The following DRD2 variants were observed in gnomAD, a reference collection of about 807,000 sequenced individuals.
DRD2 encodes dopamine receptor D2.
A neutral mutation model predicts 38.0 loss-of-function variants in DRD2; 8 were observed. That is an observed-to-expected ratio of 0.21 (90% CI 0.12 to 0.38). The LOEUF is 0.38. DRD2 is among the 10% of genes least tolerant of loss of function. DRD2 has a pLI of 1.00. For synonymous variants in DRD2, 230 were observed against 238.6 expected (o/e 0.96, Z 0.33); for missense variants, 403 against 607.7 (o/e 0.66, Z 3.54).
At chr11:113,422,044 C>T (rs1591279201) in intron 2 of DRD2, among the ~76,000 whole-genome samples, 1 of 152,240 alleles carries the variant, frequency 6.6e-6, no homozygotes, top group African/African-American at 2.4e-5. Context: ...TTTGTCCCTA[C>T]CCAAGTGCCT....
chr11:113,446,374 A>G (rs1355546421), intron 1 of DRD2, among the ~76,000 whole-genome samples: 2 of 152,242 alleles, frequency 1.3e-5, no homozygotes, highest in Admixed American at 6.5e-5. Flanking sequence ...TAGTAACGGT[A>G]GCTCCTGTTT....
chr11:113,428,778 C>G (rs2471855), intron 1 of DRD2, among the ~76,000 whole-genome samples: 24,627 of 152,146 alleles, frequency 0.16, 2,522 homozygotes, highest in East Asian at 0.42. Context: ...CATGTGCCAC[C>G]ATGCCTGGCT....
intron 1 of DRD2, among the ~76,000 whole-genome samples, chr11:113,430,504 C>G (rs1318772763): frequency 6.6e-6 from 1 of 152,196 alleles, no homozygotes; most frequent in African/African-American, 2.4e-5. Flanking sequence ...GATAGCAATA[C>G]AGGGCCTTCC....
Position 113,424,354 on chromosome 11 carries a change from G to A in DRD2, c.285+13C>T. ...CTGGAGAAAGTGCTGGAGCAAGCAG[G>A]GGGCCCACCTACCTCCAGGTAGACA... On this transcript the variant is annotated intron_variant, in intron 2 of 7. Coordinates refer to ENST00000362072, the MANE Select transcript of DRD2 (RefSeq NM_000795.4). 6.2e-7 allele frequency: 1 copy of A among 1,613,718 alleles called. No homozygotes were observed. Among genetic ancestry groups the A allele is most frequent in the South Asian group, 1.1e-5 (1 of 91,006 alleles).
intron 3 of DRD2, 116 bp downstream of exon 3, chr11:113,417,911 C>T (rs1950842017): frequency 1.2e-6 from 1 of 818,034 alleles, no homozygotes; most frequent in Non-Finnish European, 2.1e-6. Flanking sequence ...GACCCCCATG[C>T]ACACAGCCAG....
intron 1 of DRD2, among the ~76,000 whole-genome samples, chr11:113,459,350 G>A (rs1951295725): frequency 6.6e-6 from 1 of 152,150 alleles, no homozygotes; most frequent in South Asian, 2.1e-4. Flanking sequence ...AGCTCTGGAT[G>A]GACAAAGGCA....
At chr11:113,430,596 A>C (rs1242286697) in intron 1 of DRD2, among the ~76,000 whole-genome samples, 1 of 152,210 alleles carries the variant, frequency 6.6e-6, no homozygotes, top group Non-Finnish European at 1.5e-5. Flanking sequence ...GCTCCAGCCC[A>C]TCCCTCCCTT....
At chr11:113,446,604 G>A (rs1951151973) in intron 1 of DRD2, among the ~76,000 whole-genome samples, 1 of 152,170 alleles carries the variant, frequency 6.6e-6, no homozygotes, top group Non-Finnish European at 1.5e-5. Context: ...TTTCCACAGT[G>A]GCAATGAGGC....
rs1366942543 is a variant in DRD2, at chr11:113,475,174, C to A, written c.-130G>T. On this transcript the variant is annotated 5_prime_UTR_variant, in exon 1 of 8. Coordinates refer to ENST00000362072, the MANE Select transcript of DRD2 (RefSeq NM_000795.4). Reference sequence around the variant, plus strand: ...GCGCGGCCGCCCCTCCGGCAGCCGTCCGGGGCCGCCACTCTCCTCGGCCGG... The same window carrying A: ...GCGCGGCCGCCCCTCCGGCAGCCGTACGGGGCCGCCACTCTCCTCGGCCGG... 18 of 150,856 alleles carry A rather than the reference C, an allele frequency of 1.2e-4. No homozygotes were observed. The highest frequency in any genetic ancestry group is 4.6e-4 in the Admixed American group (7 of 15,198). 9.3% of individuals were successfully genotyped at this position (150,856 alleles called of 1,614,324 possible). A position where few individuals can be genotyped will look rare whatever the true frequency, so the allele number is the denominator to read the frequency against.
At chr11:113,424,310 T>C (rs1591280742) in intron 2 of DRD2, 57 bp downstream of exon 2, 5 of 1,579,120 alleles carry the variant, frequency 3.2e-6, no homozygotes, top group Non-Finnish European at 4.3e-6. Context: ...GAGTCCCCAG[T>C]GTCCAGTGCA....
chr11:113,466,190 G>C (rs1951367313), intron 1 of DRD2, among the ~76,000 whole-genome samples: 1 of 152,196 alleles, frequency 6.6e-6, no homozygotes, highest in Non-Finnish European at 1.5e-5. Context: ...GGGATGCATA[G>C]CCCACTTCTT....
intron 1 of DRD2, among the ~76,000 whole-genome samples, chr11:113,446,058 T>C (rs1951145314): frequency 6.6e-6 from 1 of 152,158 alleles, no homozygotes; most frequent in South Asian, 2.1e-4. Flanking sequence ...TGACCTGCAA[T>C]TGTCCCCTTG....
At chr11:113,456,957 A>T (rs1241665427) in intron 1 of DRD2, among the ~76,000 whole-genome samples, 3 of 152,170 alleles carry the variant, frequency 2.0e-5, no homozygotes, top group Admixed American at 2.0e-4. Flanking sequence ...ATTCACATGC[A>T]CACATCCGAC....
intron 1 of DRD2, among the ~76,000 whole-genome samples, chr11:113,437,667 G>T (rs1442104203): frequency 6.6e-6 from 1 of 152,116 alleles, no homozygotes; most frequent in Non-Finnish European, 1.5e-5. Flanking sequence ...TGGAGCCAAG[G>T]AGCACAGGGC....
intron 1 of DRD2, among the ~76,000 whole-genome samples, chr11:113,451,012 G>A (rs896834776): frequency 1.1e-4 from 16 of 152,278 alleles, no homozygotes; most frequent in African/African-American, 3.6e-4. Flanking sequence ...TGGAGGTCAG[G>A]CAATCAATGG....
chr11:113,421,474 C>T lies in DRD2; in HGVS notation c.285+2893G>A, dbSNP rs980358259. Among the ~76,000 whole-genome samples the T allele has an allele frequency of 1.2e-4, 18 of 152,050 alleles. 3 individuals carry two copies. Among genetic ancestry groups the T allele is most frequent in the Admixed American group, 7.9e-4 (12 of 15,260 alleles). On this transcript the variant is annotated intron_variant, in intron 2 of 7. Transcript: ENST00000362072. ...TAGAAAATAAATGCACACAGGAAGCCGCTCCTTAAAGGGTTGTGAGGCTGA... is the reference window on the plus strand; with the variant it reads ...TAGAAAATAAATGCACACAGGAAGCTGCTCCTTAAAGGGTTGTGAGGCTGA...
chr11:113,475,178 G>A lies in DRD2; in HGVS notation c.-134C>T, dbSNP rs2120031082. ...GGCCGCCCCTCCGGCAGCCGTCCGG[G>A]GCCGCCACTCTCCTCGGCCGGTCCC... On this transcript the variant is annotated 5_prime_UTR_variant, in exon 1 of 8. Transcript: ENST00000362072. 1 of 151,280 alleles carries A rather than the reference G, an allele frequency of 6.6e-6. No individual in the cohort carries two copies. The highest frequency in any genetic ancestry group is 1.5e-5 in the Non-Finnish European group (1 of 67,510). 9.4% of individuals were successfully genotyped at this position (151,280 alleles called of 1,614,324 possible).
intron 1 of DRD2, among the ~76,000 whole-genome samples, chr11:113,460,218 C>T (rs1286300994): frequency 3.3e-5 from 5 of 152,230 alleles, no homozygotes; most frequent in Non-Finnish European, 5.9e-5. Context: ...GTCGAAGCTG[C>T]CAGTGGACCC....
chr11:113,455,602 C>A (rs1275184417), intron 1 of DRD2, among the ~76,000 whole-genome samples: 2 of 152,000 alleles, frequency 1.3e-5, no homozygotes, highest in African/African-American at 4.8e-5. Flanking sequence ...CAAAAAATAA[C>A]CCTGTTTAAG....
Sources: gnomAD v4.1 joint callset for allele counts (sites outside exome capture counted in the v4.1 genomes callset) on GRCh38, gnomAD v4.1.1 for gene constraint, MANE v1.5 for transcripts, NCBI Gene and HGNC (gene_info 2026-07-23, HGNC 2026-07-21) for gene names.